The following MYT1L variants were observed in gnomAD, a reference collection of about 807,000 sequenced individuals.
MYT1L encodes myelin transcription factor 1-like protein.
MYT1L carries 12 observed loss-of-function variants against 126.7 expected under a neutral mutation model. The ratio of observed to expected loss-of-function variants is 0.09; its 90% CI spans 0.06 to 0.15. The LOEUF (loss-of-function observed/expected upper bound fraction) is 0.15. Among genes scored for constraint, MYT1L ranks in the 10% least tolerant of loss-of-function variants. MYT1L has a pLI of 1.00. For missense variants in MYT1L, 979 were observed against 1,585.2 expected, an observed-to-expected ratio of 0.62 and a Z score of 6.49; for synonymous variants, 541 against 604.2, an observed-to-expected ratio of 0.90 and a Z score of 1.53.
At chr2:2,180,660 G>A (rs2148628737) in intron 2 of MYT1L, among the ~76,000 whole-genome samples, 1 of 151,654 alleles carries the variant, frequency 6.6e-6, no homozygotes, top group South Asian at 2.1e-4. Context: ...ACCTGTGTAT[G>A]CCTGTGTGTG....
chr2:1,836,384 C>T (rs2040884663), intron 21 of MYT1L, among the ~76,000 whole-genome samples: 1 of 149,044 alleles, frequency 6.7e-6, no homozygotes, highest in Non-Finnish European at 1.5e-5. Context: ...GCCAAGAGTC[C>T]ATCAGCCTGA....
At chr2:1,859,787 T>C (rs1373937985) in intron 18 of MYT1L, among the ~76,000 whole-genome samples, 1 of 152,232 alleles carries the variant, frequency 6.6e-6, no homozygotes, top group African/African-American at 2.4e-5. Context: ...CCCCTGGCCC[T>C]GGTGCCCTGA....
intron 8 of MYT1L, among the ~76,000 whole-genome samples, chr2:1,975,006 C>T (rs559781796): frequency 6.6e-6 from 1 of 152,198 alleles, no homozygotes; most frequent in Admixed American, 6.5e-5. Context: ...TGTAGAACAT[C>T]CAATAAAATA....
intron 4 of MYT1L, among the ~76,000 whole-genome samples, chr2:2,011,404 GAAAAAGAAAA>G (rs1293237323): frequency 2.7e-5 from 3 of 111,324 alleles, no homozygotes; most frequent in Non-Finnish European, 3.8e-5. Context: ...CTCCATCTCA[GAAAAAGAAAA>G]AAAAAGAAAA....
chr2:1,912,028 G>C lies in MYT1L; in HGVS notation c.1701C>G (p.Ser567=). ...ACCCACGCGTGGCTTACCTTCGGTG[G>C]GAGTTCCTGTTGCTGTTGACATGCC... ...GRGHVNSNRN[S]HRSLSGCPIA... Residue 567 remains serine (S), a synonymous_variant, in exon 12 of 25, where the codon TCC becomes TCG. Transcript: ENST00000647738. The surrounding 1 kb of genome is among the most constrained non-coding windows in gnomAD (Gnocchi z 4.3). The C allele has an allele frequency of 6.3e-7, 1 of 1,595,062 alleles. No homozygotes were observed. Among genetic ancestry groups the C allele is most frequent in the African/African-American group, 1.3e-5 (1 of 74,720 alleles).
At position 1,834,985 on chromosome 2, in the gene MYT1L, G is replaced by A. The variant is rs543344509; in HGVS notation, c.3080+4164C>T. ...ATACAGGTACTCCTCCACATACCAC[G>A]GGGATGGATACAGGTACTCCTCCAC... On this transcript the variant is annotated intron_variant, in intron 21 of 24. Coordinates refer to ENST00000647738, the MANE Select transcript of MYT1L (RefSeq NM_001303052.2). 5.4e-5 allele frequency among the ~76,000 whole-genome samples: 7 copies of A among 129,346 alleles called. 1 individual carries two copies. In the East Asian group the frequency reaches 7.0e-4, roughly 13 times the overall value. 84.9% of individuals were successfully genotyped at this position (129,346 alleles called of 152,430 possible). A position where few individuals can be genotyped will look rare whatever the true frequency, so the allele number is the denominator to read the frequency against.
At chr2:1,981,181 C>A (rs1242389007) in intron 5 of MYT1L, among the ~76,000 whole-genome samples, 2 of 152,192 alleles carry the variant, frequency 1.3e-5, no homozygotes, top group Non-Finnish European at 2.9e-5. Context: ...AACTAACCAG[C>A]AGCTATTTAT....
chr2:2,093,290 GAA>G (rs1448879446), intron 3 of MYT1L, among the ~76,000 whole-genome samples: 2 of 108,976 alleles, frequency 1.8e-5, no homozygotes, highest in Non-Finnish European at 3.4e-5. Flanking sequence ...ACAGAAGGGA[GAA>G]AACTGACAGC....
chr2:2,022,164 C>T (rs1034110316), intron 4 of MYT1L, among the ~76,000 whole-genome samples: 24 of 152,182 alleles, frequency 1.6e-4, no homozygotes, highest in Admixed American at 1.3e-3. Context: ...GGCCTTACTT[C>T]GCCATGGCAA....
Position 1,979,430 on chromosome 2 carries a change from GC to G in MYT1L, c.89+90del. ...CAGTGCAGCAGGGCGTGAGCAAGCT[GC>G]CGATGAGCTGGAAGGTGCAGTGTGC... is the stretch of plus-strand genomic sequence containing the variant. On this transcript the variant is annotated intron_variant, in intron 7 of 24. Transcript: ENST00000647738. This position sits in a 1 kb window ranked among gnomAD's most constrained non-coding sequence, Gnocchi z 4.0. 7.6e-7 allele frequency: 1 copy of G among 1,322,686 alleles called. No individual in the cohort carries two copies. Among genetic ancestry groups the G allele is most frequent in the Admixed American group, 1.7e-5 (1 of 59,388 alleles). 81.9% of individuals were successfully genotyped at this position (1,322,686 alleles called of 1,614,324 possible). A position where few individuals can be genotyped will look rare whatever the true frequency, so the allele number is the denominator to read the frequency against.
At chr2:2,107,460 T>A (rs2078885673) in intron 3 of MYT1L, among the ~76,000 whole-genome samples, 1 of 152,254 alleles carries the variant, frequency 6.6e-6, no homozygotes, top group South Asian at 2.1e-4. Flanking sequence ...ACTAGCTCTC[T>A]GACGCATTAC....
chr2:1,957,157 C>A (rs903032299), intron 8 of MYT1L, among the ~76,000 whole-genome samples: 2 of 152,132 alleles, frequency 1.3e-5, no homozygotes, highest in Non-Finnish European at 2.9e-5. Flanking sequence ...GTTCACTGGG[C>A]GCGTGGCTTG....
At chr2:2,182,803 G>C (rs144702233) in intron 2 of MYT1L, among the ~76,000 whole-genome samples, 120 of 152,244 alleles carry the variant, frequency 7.9e-4, no homozygotes, top group Middle Eastern at 3.4e-3. Context: ...GTCCCAGCGC[G>C]GCCCACAATG....
intron 13 of MYT1L, among the ~76,000 whole-genome samples, chr2:1,904,025 A>G (rs2050710821): frequency 1.3e-5 from 2 of 152,236 alleles, no homozygotes; most frequent in Admixed American, 6.5e-5. Flanking sequence ...TATACTTGAA[A>G]TAACTTTAGA....
chr2:1,925,740 G>A (rs1412731456), intron 9 of MYT1L, among the ~76,000 whole-genome samples: 2 of 152,126 alleles, frequency 1.3e-5, no homozygotes, highest in Non-Finnish European at 2.9e-5. Flanking sequence ...CTGAGGGCAC[G>A]GTTCGTCCTC....
chr2:1,871,915 T>C (rs1338808737), intron 18 of MYT1L, among the ~76,000 whole-genome samples: 1 of 152,088 alleles, frequency 6.6e-6, no homozygotes, highest in Admixed American at 6.5e-5. Flanking sequence ...ACAGAGGTCA[T>C]CGCTGAGACA....
At chr2:2,307,471 G>T (rs1383225468) in intron 1 of MYT1L, among the ~76,000 whole-genome samples, 1 of 152,084 alleles carries the variant, frequency 6.6e-6, no homozygotes, top group Non-Finnish European at 1.5e-5. Flanking sequence ...GATAGAATTG[G>T]CAGGAAGTAG....
intron 23 of MYT1L, among the ~76,000 whole-genome samples, chr2:1,796,839 C>T (rs75862242): frequency 0.016 from 2,401 of 152,250 alleles, 61 homozygotes; most frequent in African/African-American, 0.053. Flanking sequence ...TCTCGAACTC[C>T]GGCTCTCAGC....
At chr2:2,047,789 T>C (rs2068366097) in intron 4 of MYT1L, among the ~76,000 whole-genome samples, 1 of 152,236 alleles carries the variant, frequency 6.6e-6, no homozygotes, top group Non-Finnish European at 1.5e-5. Context: ...TTTATGAATA[T>C]GATGGTATAT....
Sources: gnomAD v4.1 joint callset for allele counts (sites outside exome capture counted in the v4.1 genomes callset) on GRCh38, gnomAD v4.1.1 for gene constraint, Gnocchi (gnomAD v3.1) non-coding constraint, MANE v1.5 for transcripts, NCBI Gene and HGNC (gene_info 2026-07-23, HGNC 2026-07-21) for gene names.